Variants in KLRG1 observed in about 807,000 individuals in gnomAD.
KLRG1 encodes killer cell lectin-like receptor subfamily G member 1.
A neutral mutation model predicts 21.8 loss-of-function variants in KLRG1; 16 were observed. The observed-to-expected ratio is 0.73, with a 90% confidence interval of 0.50 to 1.11. The LOEUF is 1.11. Among genes scored for constraint, KLRG1 ranks in the 50% most tolerant of loss-of-function variants. The pLI, the probability that KLRG1 is intolerant of heterozygous loss-of-function variation, is 0.00. For missense variants in KLRG1, 173 were observed against 218.3 expected (o/e 0.79, Z 1.31); for synonymous variants, 69 against 75.9 (o/e 0.91, Z 0.47).
the KLRG1 span, among the ~76,000 whole-genome samples, chr12:9,191,167 G>A: frequency 1.3e-5 from 2 of 152,052 alleles, no homozygotes; most frequent in East Asian, 3.9e-4. Context: ...GACTCTTCCT[G>A]TTATGAATAA....
the KLRG1 span, among the ~76,000 whole-genome samples, chr12:9,211,946 A>G: frequency 7.8e-4 from 118 of 152,196 alleles, 1 homozygote; most frequent in African/African-American, 2.7e-3. Flanking sequence ...TGCCTCCTAG[A>G]CCTTGGTCAG....
chr12:9,033,591 G>T, the KLRG1 span, among the ~76,000 whole-genome samples: 1 of 152,212 alleles, frequency 6.6e-6, no homozygotes, highest in African/African-American at 2.4e-5. Context: ...GCTCAGCTAT[G>T]GGAGCTTGTA....
chr12:9,139,942 TGGA>T, the KLRG1 span, among the ~76,000 whole-genome samples: 1 of 152,118 alleles, frequency 6.6e-6, no homozygotes, highest in Non-Finnish European at 1.5e-5. Flanking sequence ...TGTTTCTGTG[TGGA>T]GGAGAAGTTT....
the KLRG1 span, among the ~76,000 whole-genome samples, chr12:9,191,463 T>G: frequency 6.6e-6 from 1 of 152,064 alleles, no homozygotes; most frequent in African/African-American, 2.4e-5. Context: ...TTTCTCAAAA[T>G]TGTTTCAATT....
At chr12:9,161,741 G>A in the KLRG1 span, among the ~76,000 whole-genome samples, 44 of 152,286 alleles carry the variant, frequency 2.9e-4, no homozygotes, top group African/African-American at 1.0e-3. Flanking sequence ...TGTATACACT[G>A]TGGACATAGA....
the KLRG1 span, chr12:9,193,960 T>C: frequency 5.7e-6 from 6 of 1,050,680 alleles, no homozygotes; most frequent in Non-Finnish European, 6.6e-6. Context: ...ATTTGTAAAC[T>C]CAAAGTTAGA....
the KLRG1 span, chr12:9,028,731 C>T: frequency 1.8e-4 from 95 of 520,628 alleles, no homozygotes; most frequent in African/African-American, 7.9e-4. Context: ...CCTGAGCCAC[C>T]GCACCCGGCC....
the KLRG1 span, chr12:9,192,663 G>T: frequency 6.2e-7 from 1 of 1,614,008 alleles, no homozygotes; most frequent in Non-Finnish European, 8.5e-7. Flanking sequence ...AACACGATTT[G>T]CAGTGTGCTG....
At chr12:8,974,769 C>T (rs982789256) in intron 1 of KLRG1, among the ~76,000 whole-genome samples, 2 of 152,020 alleles carry the variant, frequency 1.3e-5, no homozygotes, top group Non-Finnish European at 1.5e-5. Flanking sequence ...ATTTGGTTTA[C>T]GGGTATTTTA....
chr12:9,169,567 C>A, the KLRG1 span: 1 of 1,612,422 alleles, frequency 6.2e-7, no homozygotes, highest in Non-Finnish European at 8.5e-7. Flanking sequence ...TTGGTGAGAT[C>A]CTTCACAGTT....
the KLRG1 span, among the ~76,000 whole-genome samples, chr12:9,116,810 G>T: frequency 2.1e-4 from 32 of 152,084 alleles, no homozygotes; most frequent in South Asian, 5.8e-3. Flanking sequence ...GGCACTTAAA[G>T]ATTTTACATT....
chr12:9,196,932 T>A, the KLRG1 span: 1 of 1,116,686 alleles, frequency 9.0e-7, no homozygotes, highest in Non-Finnish European at 1.3e-6. Context: ...CTTGTCCTGA[T>A]GCCCTCTTTC....
At chr12:9,028,737 C>T in the KLRG1 span, 123 of 532,326 alleles carry the variant, frequency 2.3e-4, no homozygotes, top group African/African-American at 8.2e-4. Flanking sequence ...CCACCGCACC[C>T]GGCCTCAGTG....
chr12:8,953,208 C>T (rs902812473), intron 1 of KLRG1, among the ~76,000 whole-genome samples: 3 of 152,130 alleles, frequency 2.0e-5, no homozygotes, highest in Non-Finnish European at 2.9e-5. Flanking sequence ...TTTTATTGAG[C>T]GATGGAACAG....
At chr12:9,098,753 C>T in the KLRG1 span, 5 of 1,612,556 alleles carry the variant, frequency 3.1e-6, no homozygotes, top group Admixed American at 8.4e-5. Context: ...AAGCTCAAAT[C>T]CACCTGTGAA....
chr12:8,965,217 C>T (rs963945254), intron 1 of KLRG1, among the ~76,000 whole-genome samples: 2 of 152,092 alleles, frequency 1.3e-5, no homozygotes, highest in Non-Finnish European at 2.9e-5. Flanking sequence ...ATGACAAACC[C>T]ACAGCTGATA....
the KLRG1 span, chr12:9,036,322 T>C: frequency 6.5e-6 from 1 of 152,864 alleles, no homozygotes; most frequent in African/African-American, 2.4e-5. Flanking sequence ...GAGATCACCA[T>C]ATCACCTCTT....
At chr12:9,161,302 GCAA>G in the KLRG1 span, among the ~76,000 whole-genome samples, 5 of 152,318 alleles carry the variant, frequency 3.3e-5, no homozygotes, top group East Asian at 1.9e-4. Flanking sequence ...AACAGTATCT[GCAA>G]CATATTCAAT....
chr12:9,080,236 C>G, the KLRG1 span: 5 of 1,209,386 alleles, frequency 4.1e-6, no homozygotes, highest in Non-Finnish European at 6.0e-6. Flanking sequence ...TCTTTCTAAA[C>G]AGCTCTATGA....
Sources: gnomAD v4.1 joint callset for allele counts (sites outside exome capture counted in the v4.1 genomes callset) on GRCh38, gnomAD v4.1.1 for gene constraint, MANE v1.5 for transcripts, NCBI Gene and HGNC (gene_info 2026-07-23, HGNC 2026-07-21) for gene names.